Variants in ROBO1 observed in about 807,000 individuals in gnomAD.
The protein encoded by ROBO1 is roundabout guidance receptor 1.
ROBO1 carries 149 observed loss-of-function variants against 195.9 expected under a neutral mutation model. That is an observed-to-expected ratio of 0.76 (90% confidence interval 0.67 to 0.87). ROBO1 has a LOEUF of 0.87. ROBO1 is among the 40% of genes least tolerant of loss of function. The pLI is 0.00. For synonymous variants in ROBO1, 816 were observed against 733.2 expected, an observed-to-expected ratio of 1.11 and a Z score of -1.82; for missense variants, 1,933 against 2,068.3, an observed-to-expected ratio of 0.93 and a Z score of 1.27.
At chr3:79,223,184 A>G (rs1489135296) in intron 2 of ROBO1, among the ~76,000 whole-genome samples, 1 of 152,158 alleles carries the variant, frequency 6.6e-6, no homozygotes, top group Non-Finnish European at 1.5e-5. Flanking sequence ...GATAGCACAC[A>G]CTCAGAAACC....
chr3:79,522,842 T>C (rs1941265960), intron 2 of ROBO1, among the ~76,000 whole-genome samples: 1 of 152,164 alleles, frequency 6.6e-6, no homozygotes, highest in South Asian at 2.1e-4. Flanking sequence ...ACGAACTATG[T>C]GACTATCAGT....
chr3:79,672,715 T>C (rs7635717), intron 1 of ROBO1, among the ~76,000 whole-genome samples: 42,842 of 151,750 alleles, frequency 0.28, 6,901 homozygotes, highest in African/African-American at 0.45. Flanking sequence ...GTCCTGCTAT[T>C]ACTCCCCACA....
chr3:78,849,752 A>AT (rs1011132896), intron 4 of ROBO1, among the ~76,000 whole-genome samples: 26 of 151,282 alleles, frequency 1.7e-4, no homozygotes, highest in African/African-American at 5.8e-4. Context: ...TTAATTCATG[A>AT]TTTTCAAATA....
At chr3:78,686,476 AC>A (rs2081054982) in intron 9 of ROBO1, among the ~76,000 whole-genome samples, 2 of 151,572 alleles carry the variant, frequency 1.3e-5, no homozygotes, top group Middle Eastern at 3.4e-3. Context: ...AATGGCGTGA[AC>A]CCGGGAGGCG....
At chr3:79,536,180 A>G (rs1288126401) in intron 2 of ROBO1, among the ~76,000 whole-genome samples, 1 of 152,084 alleles carries the variant, frequency 6.6e-6, no homozygotes, top group Non-Finnish European at 1.5e-5. Flanking sequence ...GACTATATAT[A>G]TACATATATA....
intron 3 of ROBO1, chr3:79,019,580 G>T: frequency 2.0e-6 from 2 of 983,644 alleles, no homozygotes; most frequent in Non-Finnish European, 2.4e-6. Flanking sequence ...TCCAGGCGCT[G>T]GTCAGGCAAG....
At chr3:79,760,261 A>AAAAAAAAAAAG (rs1704622895) in intron 1 of ROBO1, among the ~76,000 whole-genome samples, 1 of 146,526 alleles carries the variant, frequency 6.8e-6, no homozygotes, top group Non-Finnish European at 1.5e-5. Flanking sequence ...AAAAAAAAAA[A>AAAAAAAAAAAG]AAAAAAAAAA....
intron 4 of ROBO1, among the ~76,000 whole-genome samples, chr3:78,922,694 C>T (rs527377896): frequency 3.3e-5 from 5 of 149,920 alleles, no homozygotes; most frequent in African/African-American, 1.2e-4. Context: ...ACTGCAACCT[C>T]TGCCTCCCGG....
intron 2 of ROBO1, among the ~76,000 whole-genome samples, chr3:79,318,563 T>C (rs2033839181): frequency 6.6e-6 from 1 of 152,200 alleles, no homozygotes; most frequent in African/African-American, 2.4e-5. Flanking sequence ...ATTCAGCTAA[T>C]TCTTTGATGA....
At chr3:79,162,519 G>T (rs2080987509) in intron 2 of ROBO1, among the ~76,000 whole-genome samples, 1 of 151,904 alleles carries the variant, frequency 6.6e-6, no homozygotes, top group South Asian at 2.1e-4. Context: ...TTTCTGGATG[G>T]GTGCTAGTTT....
At chr3:79,367,463 A>T (rs1376331010) in intron 2 of ROBO1, among the ~76,000 whole-genome samples, 1 of 152,224 alleles carries the variant, frequency 6.6e-6, no homozygotes, top group African/African-American at 2.4e-5. Flanking sequence ...GGTCCAAAAG[A>T]TCTATGCAAG....
intron 2 of ROBO1, among the ~76,000 whole-genome samples, chr3:79,467,337 A>C (rs1048450910): frequency 6.6e-6 from 1 of 151,982 alleles, no homozygotes; most frequent in Admixed American, 6.6e-5. Flanking sequence ...CCCCACCCTC[A>C]AGCCTGGAGA....
intron 4 of ROBO1, among the ~76,000 whole-genome samples, chr3:78,799,402 C>T (rs1197260901): frequency 1.3e-5 from 2 of 151,250 alleles, no homozygotes; most frequent in Admixed American, 6.6e-5. Flanking sequence ...AGTGCAGTGG[C>T]ACAATCTCGG....
intron 2 of ROBO1, among the ~76,000 whole-genome samples, chr3:79,207,754 CAT>C (rs1459445825): frequency 7.0e-6 from 1 of 142,242 alleles, no homozygotes; most frequent in African/African-American, 2.6e-5. Context: ...CATGGAGAGT[CAT>C]ATAAGATTGA....
chr3:78,801,652 CTCAT>C (rs2084375043), intron 4 of ROBO1, among the ~76,000 whole-genome samples: 1 of 152,072 alleles, frequency 6.6e-6, no homozygotes, highest in African/African-American at 2.4e-5. Flanking sequence ...AAATATAAAA[CTCAT>C]TCAGAGTTGT....
At chr3:79,306,052 C>T (rs561769021) in intron 2 of ROBO1, among the ~76,000 whole-genome samples, 1 of 152,004 alleles carries the variant, frequency 6.6e-6, no homozygotes, top group South Asian at 2.1e-4. Context: ...GATATAAATC[C>T]GAGATAGTTT....
chr3:79,750,317 A>G (rs1465347463), intron 1 of ROBO1, among the ~76,000 whole-genome samples: 1 of 152,232 alleles, frequency 6.6e-6, no homozygotes, highest in East Asian at 1.9e-4. Context: ...TTACAGGCTC[A>G]TAGGCAAAAG....
chr3:78,867,983 C>T (rs1181702375), intron 4 of ROBO1, among the ~76,000 whole-genome samples: 1 of 152,064 alleles, frequency 6.6e-6, no homozygotes, highest in Non-Finnish European at 1.5e-5. Flanking sequence ...GTTAGAATCT[C>T]GACAGGGAGG....
At chr3:79,396,672 A>G (rs2037167829) in intron 2 of ROBO1, among the ~76,000 whole-genome samples, 1 of 152,144 alleles carries the variant, frequency 6.6e-6, no homozygotes, top group Non-Finnish European at 1.5e-5. Flanking sequence ...ACAGCCTGGC[A>G]TATTTTAGAT....
Sources: gnomAD v4.1 joint callset for allele counts (sites outside exome capture counted in the v4.1 genomes callset) on GRCh38, gnomAD v4.1.1 for gene constraint, MANE v1.5 for transcripts, NCBI Gene and HGNC (gene_info 2026-07-23, HGNC 2026-07-21) for gene names.